The following ASTN2 variants were observed in gnomAD, a reference collection of about 807,000 sequenced individuals.
The protein encoded by ASTN2 is astrotactin-2.
In ASTN2, 54 loss-of-function variants were observed where a neutral mutation model predicts 139.8. The ratio of observed to expected loss-of-function variants is 0.39; its 90% CI spans 0.31 to 0.48. The LOEUF (loss-of-function observed/expected upper bound fraction) is 0.48. ASTN2 is among the 20% of genes least tolerant of loss of function. The pLI is 0.95. For synonymous variants in ASTN2, 756 were observed against 719.5 expected, an observed-to-expected ratio of 1.05 and a Z score of -0.81; for missense variants, 1,565 against 1,725.1, an observed-to-expected ratio of 0.91 and a Z score of 1.64.
intron 6 of ASTN2, among the ~76,000 whole-genome samples, chr9:117,016,283 G>A (rs1235937663): frequency 1.3e-5 from 2 of 151,970 alleles, no homozygotes; most frequent in Non-Finnish European, 2.9e-5. Context: ...ACCTCTTCTG[G>A]TCATGAGGGA....
chr9:116,606,574 T>C (rs909310755), intron 19 of ASTN2, among the ~76,000 whole-genome samples: 1 of 152,238 alleles, frequency 6.6e-6, no homozygotes, highest in Non-Finnish European at 1.5e-5. Context: ...ATAAAGCCTA[T>C]GTTTCCCTAT....
intron 1 of ASTN2, among the ~76,000 whole-genome samples, chr9:117,296,782 G>A (rs1440431866): frequency 6.6e-6 from 1 of 152,130 alleles, no homozygotes; most frequent in Non-Finnish European, 1.5e-5. Flanking sequence ...GTTTTATATT[G>A]GAATCATAAA....
At chr9:116,519,585 C>G (rs1162022025) in intron 19 of ASTN2, among the ~76,000 whole-genome samples, 3 of 151,884 alleles carry the variant, frequency 2.0e-5, no homozygotes, top group Non-Finnish European at 4.4e-5. Flanking sequence ...CAATCTAAGA[C>G]CACACCTCAT....
At chr9:117,096,251 T>C in intron 4 of ASTN2, 100 bp from the exon 5 acceptor site, 1 of 936,910 alleles carries the variant, frequency 1.1e-6, no homozygotes, top group East Asian at 2.6e-5. Flanking sequence ...CCCCAGACTT[T>C]TCTCTGTAAA....
At chr9:117,116,834 C>CAAAAAAAAAAAAAAAA (rs72075422) in intron 4 of ASTN2, among the ~76,000 whole-genome samples, 4 of 45,190 alleles carry the variant, frequency 8.9e-5, no homozygotes, top group African/African-American at 2.1e-4. Flanking sequence ...TGGCATGAGC[C>CAAAAAAAAAAAAAAAA]AAAAAAAAAA....
chr9:116,991,874 C>T (rs1322055569), intron 7 of ASTN2, among the ~76,000 whole-genome samples: 1 of 152,222 alleles, frequency 6.6e-6, no homozygotes, highest in Non-Finnish European at 1.5e-5. Context: ...TTTTGCTTCT[C>T]TCCCTGGTGA....
chr9:117,170,294 CCT>C lies in ASTN2; in HGVS notation c.1016-28818_1016-28817del, dbSNP rs533284933. On this transcript the variant is annotated intron_variant, in intron 3 of 22. Coordinates refer to ENST00000313400, the MANE Select transcript of ASTN2 (RefSeq NM_001365068.1). ...CAATGTGCTTGTATATCATTGACATCCTCTGTTTCCCATTGTGTGTCTCATCC... is the reference window on the plus strand; with the variant it reads ...CAATGTGCTTGTATATCATTGACATCCTGTTTCCCATTGTGTGTCTCATCC... Among the ~76,000 whole-genome samples the C allele has an allele frequency of 1.4e-4, 21 of 152,192 alleles. No individual in the cohort carries two copies. In the East Asian group the frequency reaches 3.3e-3, roughly 24 times the overall value.
intron 1 of ASTN2, among the ~76,000 whole-genome samples, chr9:117,326,668 A>C (rs1828529786): frequency 6.6e-6 from 1 of 152,154 alleles, no homozygotes. Context: ...GGGGATACGA[A>C]CACAGTCCCG....
intron 2 of ASTN2, among the ~76,000 whole-genome samples, chr9:117,236,638 T>C (rs1833053140): frequency 6.6e-6 from 1 of 152,108 alleles, no homozygotes; most frequent in Non-Finnish European, 1.5e-5. Flanking sequence ...CAGTAATGAA[T>C]GGATGGATGG....
At position 117,039,883 on chromosome 9, in the gene ASTN2, G is replaced by A; in HGVS notation, c.1359C>T (p.Ser453=). Residue 453 remains serine (S), a synonymous_variant, in exon 6 of 23, where the codon AGC becomes AGT. Coordinates refer to ENST00000313400, the MANE Select transcript of ASTN2 (RefSeq NM_001365068.1). ...TCACAGTGAGTGGACAAGACATCTG[G>A]CTGCCACACACCATGGCCAGGATGC... The part of the protein sequence containing the change: ...SSCILAMVCG[S]QMSCPLTVKV... 1 of 1,613,782 alleles carries A rather than the reference G, an allele frequency of 6.2e-7. No individual in the cohort carries two copies. Among genetic ancestry groups the A allele is most frequent in the Non-Finnish European group, 8.5e-7 (1 of 1,179,872 alleles).
chr9:117,158,673 A>G (rs1004333037), intron 3 of ASTN2, among the ~76,000 whole-genome samples: 1 of 152,044 alleles, frequency 6.6e-6, no homozygotes, highest in Admixed American at 6.6e-5. Flanking sequence ...GGATTTTGTC[A>G]AGACTAGAAG....
At chr9:116,844,541 C>T (rs895914767) in intron 11 of ASTN2, among the ~76,000 whole-genome samples, 1 of 152,016 alleles carries the variant, frequency 6.6e-6, no homozygotes, top group African/African-American at 2.4e-5. Context: ...AACATTTGAA[C>T]CTCAACTTCC....
At chr9:116,474,124 C>G (rs903381410) in intron 20 of ASTN2, among the ~76,000 whole-genome samples, 7 of 152,076 alleles carry the variant, frequency 4.6e-5, no homozygotes, top group African/African-American at 1.7e-4. Context: ...TTTGAAATGA[C>G]CCTAGAATAG....
chr9:116,446,823 C>T (rs1848013801), intron 20 of ASTN2, among the ~76,000 whole-genome samples: 2 of 152,198 alleles, frequency 1.3e-5, no homozygotes, highest in Admixed American at 6.5e-5. Context: ...TACAGTAATA[C>T]AGGCTTAGTG....
intron 6 of ASTN2, among the ~76,000 whole-genome samples, chr9:117,018,951 A>T (rs1315767837): frequency 2.0e-5 from 3 of 152,154 alleles, no homozygotes; most frequent in African/African-American, 7.2e-5. Flanking sequence ...GAAACTGATG[A>T]TTCAAAATTA....
chr9:116,768,047 G>C (rs1362232320), intron 13 of ASTN2, among the ~76,000 whole-genome samples: 1 of 152,022 alleles, frequency 6.6e-6, no homozygotes. Flanking sequence ...AAATAAAAAA[G>C]ACCTTGTCTT....
intron 4 of ASTN2, among the ~76,000 whole-genome samples, chr9:117,102,104 T>C (rs1437599147): frequency 1.3e-5 from 2 of 152,182 alleles, no homozygotes; most frequent in Non-Finnish European, 2.9e-5. Context: ...ATAGCAGCAC[T>C]ATTTACAAGT....
intron 13 of ASTN2, among the ~76,000 whole-genome samples, chr9:116,803,671 C>T (rs899950586): frequency 6.6e-6 from 1 of 150,524 alleles, no homozygotes; most frequent in Non-Finnish European, 1.5e-5. Flanking sequence ...ACTACAGGCG[C>T]CTGCCACTAC....
intron 3 of ASTN2, among the ~76,000 whole-genome samples, chr9:117,160,242 A>G (rs1830517676): frequency 6.6e-6 from 1 of 152,018 alleles, no homozygotes; most frequent in Non-Finnish European, 1.5e-5. Flanking sequence ...TTTCTACAAC[A>G]CCATGAAAAT....
Sources: gnomAD v4.1 joint callset for allele counts (sites outside exome capture counted in the v4.1 genomes callset) on GRCh38, gnomAD v4.1.1 for gene constraint, MANE v1.5 for transcripts, NCBI Gene and HGNC (gene_info 2026-07-23, HGNC 2026-07-21) for gene names.